The following RAP1GAP variants were observed in gnomAD, a reference collection of about 807,000 sequenced individuals.
RAP1GAP encodes the protein RAP1 GTPase activating protein.
RAP1GAP carries 35 observed loss-of-function variants against 87.2 expected under a neutral mutation model. The ratio of observed to expected loss-of-function variants is 0.40; its 90% CI spans 0.31 to 0.53. The LOEUF is 0.53. Among genes scored for constraint, RAP1GAP ranks in the 20% least tolerant of loss-of-function variants. The pLI is 0.48. For synonymous variants in RAP1GAP, 375 were observed against 363.9 expected, an observed-to-expected ratio of 1.03 and a Z score of -0.35; for missense variants, 734 against 898.9, an observed-to-expected ratio of 0.82 and a Z score of 2.35.
chr1:21,652,129 C>A (rs1307297969), intron 1 of RAP1GAP, among the ~76,000 whole-genome samples: 8 of 149,804 alleles, frequency 5.3e-5, no homozygotes, highest in African/African-American at 1.7e-4. Context: ...CGCCGCCCCC[C>A]GTCCAGGCCG....
At position 21,598,435 on chromosome 1, in the gene RAP1GAP, T is replaced by C; in HGVS notation, c.1844A>G (p.Asp615Gly). 2 of 1,613,906 alleles carry C rather than the reference T, an allele frequency of 1.2e-6. No homozygotes were observed. Among genetic ancestry groups the C allele is most frequent in the South Asian group, 1.1e-5 (1 of 91,080 alleles). Residue 615 changes from aspartate to glycine, a missense_variant, in exon 22 of 25, where the codon GAC (aspartate) becomes GGC (glycine). By Grantham distance (94) the Asp-to-Gly change is moderately conservative (BLOSUM62 -1). Around this residue, in one of 2 missense-constraint regions of RAP1GAP, gnomAD observed 249 missense variants for 252.7 expected, o/e 0.99. Coordinates refer to ENST00000374765, the MANE Select transcript of RAP1GAP (RefSeq NM_002885.4). ...DSFIYSTWLE[D>G]SVSTTSGGSS... ...GCCCCCACTAGTGGTGCTGACACTG[T>C]CCTCCAGCCACGTGCTATAGATGAA...
chr1:21,609,927 G>A lies in RAP1GAP; in HGVS notation c.999+193C>T, dbSNP rs568892784. ...TGATACCAGGCCAGGAGGCAGAGGAGGGAAACTGTCCTCTCTGAGGGGGTG... is the reference window on the plus strand; with the variant it reads ...TGATACCAGGCCAGGAGGCAGAGGAAGGAAACTGTCCTCTCTGAGGGGGTG... On this transcript the variant is annotated intron_variant, in intron 14 of 24. Transcript: ENST00000374765. This position sits in a 1 kb window ranked among gnomAD's most constrained non-coding sequence, Gnocchi z 4.4. Among the ~76,000 whole-genome samples, 266 of 152,318 alleles carry A rather than the reference G, an allele frequency of 1.7e-3. No individual in the cohort carries two copies. Among genetic ancestry groups the A allele is most frequent in the African/African-American group, 6.0e-3 (249 of 41,558 alleles).
chr1:21,638,470 AAAG>A (rs1016079480), intron 2 of RAP1GAP, among the ~76,000 whole-genome samples: 2 of 151,684 alleles, frequency 1.3e-5, no homozygotes, highest in South Asian at 2.1e-4. Context: ...AAAAAAAAAA[AAAG>A]AGAGAGAGAA....
At chr1:21,628,548 C>T (rs1006565401) in intron 2 of RAP1GAP, among the ~76,000 whole-genome samples, 9 of 151,916 alleles carry the variant, frequency 5.9e-5, no homozygotes, top group South Asian at 2.1e-4. Flanking sequence ...GGTGAAACCC[C>T]GTCTCTACTA....
In RAP1GAP at chr1:21,611,475, A is replaced by T. The variant is rs1306181065; in HGVS notation, c.820T>A (p.Tyr274Asn). Residue 274 changes from tyrosine to asparagine, a missense_variant, in exon 13 of 25, where the codon TAC becomes AAC. Physicochemically the swap from Tyr to Asn is moderately radical, Grantham distance 143. Coordinates refer to ENST00000374765, the MANE Select transcript of RAP1GAP (RefSeq NM_002885.4). ...IMFHVSTKLPYTEGDAQQLQR... is the reference protein window; with the variant it reads ...IMFHVSTKLPNTEGDAQQLQR... ...ACCTGCTGGGCGTCCCCTTCCGTGT[A>T]TGGCAGCTTGGTGGACACGTGAAAC... 6.2e-7 allele frequency: 1 copy of T among 1,614,110 alleles called. No homozygotes were observed. The highest frequency in any genetic ancestry group is 1.1e-5 in the South Asian group (1 of 91,078).
Position 21,618,064 on chromosome 1 carries a change from G to A in RAP1GAP, c.67-92C>T, listed in dbSNP as rs1309782895. The stretch of plus-strand genomic sequence containing the variant: ...TCTGCTTGGCCAGCCTCAGGGCTGA[G>A]AGTGCGGATGGGGCCCTGGCCTCAT... On this transcript the variant is annotated intron_variant, in intron 5 of 24. Coordinates refer to ENST00000374765, the MANE Select transcript of RAP1GAP (RefSeq NM_002885.4). The A allele has an allele frequency of 4.0e-6, 6 of 1,491,142 alleles. No homozygotes were observed. In the African/African-American group the frequency reaches 5.5e-5, roughly 14 times the overall value. 92.4% of individuals were successfully genotyped at this position (1,491,142 alleles called of 1,614,324 possible). A position where few individuals can be genotyped will look rare whatever the true frequency, so the allele number is the denominator to read the frequency against.
At chr1:21,630,264 C>CG (rs2150562094) in intron 2 of RAP1GAP, among the ~76,000 whole-genome samples, 1 of 137,304 alleles carries the variant, frequency 7.3e-6, no homozygotes, top group Non-Finnish European at 1.6e-5. Context: ...TTTTCTTTTT[C>CG]CCTTTTTTTT....
chr1:21,601,364 C>T (rs540341205), intron 20 of RAP1GAP, among the ~76,000 whole-genome samples: 1 of 149,368 alleles, frequency 6.7e-6, no homozygotes, highest in Non-Finnish European at 1.5e-5. Context: ...CCTCTTCATC[C>T]CCCCAACCCT....
At chr1:21,625,835 G>A (rs188526981) in intron 3 of RAP1GAP, among the ~76,000 whole-genome samples, 6 of 152,276 alleles carry the variant, frequency 3.9e-5, no homozygotes, top group Non-Finnish European at 5.9e-5. Context: ...CAGGTACTGG[G>A]CAAACGTTTG....
At position 21,596,280 on chromosome 1, in the gene RAP1GAP, A is replaced by G. The variant is rs971498039; in HGVS notation, c.*1019T>C. 6.6e-6 allele frequency: 1 copy of G among 152,288 alleles called. No homozygotes were observed. The highest frequency in any genetic ancestry group is 6.5e-5 in the Admixed American group (1 of 15,292). The allele number at this position is 152,288 out of a possible 1,614,324, so 9.4% of individuals were successfully genotyped here. ...CTGTTACCGACATCCACACGGCCACAGGGGCTTCCAAAATGGGTATTGGGG... is the reference window on the plus strand; with the variant it reads ...CTGTTACCGACATCCACACGGCCACGGGGGCTTCCAAAATGGGTATTGGGG... On this transcript the variant is annotated 3_prime_UTR_variant, in exon 25 of 25. Coordinates refer to ENST00000374765, the MANE Select transcript of RAP1GAP (RefSeq NM_002885.4).
At chr1:21,661,206 C>G (rs921590556) in intron 1 of RAP1GAP, among the ~76,000 whole-genome samples, 1 of 150,598 alleles carries the variant, frequency 6.6e-6, no homozygotes, top group Non-Finnish European at 1.5e-5. Context: ...GAGCTGAGAT[C>G]GCACCACTGC....
At position 21,654,658 on chromosome 1, in the gene RAP1GAP, C is replaced by T. The variant is rs538997853; in HGVS notation, c.-148-4862G>A. On this transcript the variant is annotated intron_variant, in intron 1 of 24. Transcript: ENST00000374765. ...GAACAGCTTAGGCAACATAGTGAGA[C>T]CTGTCTCTACAAAAACTCTAAAAAT... 1.3e-4 allele frequency among the ~76,000 whole-genome samples: 20 copies of T among 151,366 alleles called. 1 individual carries two copies. The South Asian group carries it at 4.2e-3, about 32-fold the overall frequency.
intron 18 of RAP1GAP, among the ~76,000 whole-genome samples, chr1:21,605,495 C>A (rs1255082724): frequency 6.6e-6 from 1 of 151,840 alleles, no homozygotes; most frequent in East Asian, 1.9e-4. Flanking sequence ...CCCAGGGCTG[C>A]GCACACAGTA....
intron 7 of RAP1GAP, among the ~76,000 whole-genome samples, chr1:21,616,190 C>CGT: frequency 7.3e-6 from 1 of 136,580 alleles, no homozygotes; most frequent in East Asian, 2.1e-4. Context: ...CACACACACA[C>CGT]ATACAATGAC....
rs907855735 is a variant in RAP1GAP, at chr1:21,619,317, C to G, written c.19-245G>C. Among the ~76,000 whole-genome samples, 2 of 150,826 alleles carry G rather than the reference C, an allele frequency of 1.3e-5. 1 individual carries two copies. The highest frequency in any genetic ancestry group is 1.3e-4 in the Admixed American group (2 of 15,174). ...GGGGACTCTGCGGGAACGCACGTGC[C>G]GCTGGGAGTGGGGGCAGGGGAGGTG... On this transcript the variant is annotated intron_variant, in intron 4 of 24. Transcript: ENST00000374765.
chr1:21,651,412 GCACACACGCATGCACA>G, intron 1 of RAP1GAP: 1 of 550,546 alleles, frequency 1.8e-6, no homozygotes, highest in African/African-American at 1.9e-5. Context: ...GAGCAGTTGC[GCACACACGCATGCACA>G]CACACGCGCG....
chr1:21,613,244 A>AAGGC lies in RAP1GAP; in HGVS notation c.475-16_475-15insGCCT. ...TCACACACCAACTGCAGGAGGAGATAAGGGAGGGGTGTGAGGTGTGGGGCC... is the reference window on the plus strand; with the variant it reads ...TCACACACCAACTGCAGGAGGAGATAAGGCAGGGAGGGGTGTGAGGTGTGGGGCC... On this transcript the variant is annotated splice_polypyrimidine_tract_variant and intron_variant, in intron 9 of 24. Transcript: ENST00000374765. This position sits in a 1 kb window ranked among gnomAD's most constrained non-coding sequence, Gnocchi z 4.7. 1 of 1,545,734 alleles carries AAGGC rather than the reference A, an allele frequency of 6.5e-7. No individual in the cohort carries two copies.
chr1:21,643,519 T>G (rs1212295836), intron 2 of RAP1GAP, among the ~76,000 whole-genome samples: 1 of 137,822 alleles, frequency 7.3e-6, no homozygotes, highest in African/African-American at 2.8e-5. Flanking sequence ...ATCGTGCCAC[T>G]GCACTCCAGC....
At position 21,661,637 on chromosome 1, in the gene RAP1GAP, A is replaced by G. The variant is rs530606912; in HGVS notation, c.-149+7617T>C. Reference sequence around the variant, plus strand: ...AAAAGAGGATGGCAATGATAATAAAAGTACTTACCGCATAGGATTGTTCTT... The same window carrying G: ...AAAAGAGGATGGCAATGATAATAAAGGTACTTACCGCATAGGATTGTTCTT... On this transcript the variant is annotated intron_variant, in intron 1 of 24. Transcript: ENST00000374765. Among the ~76,000 whole-genome samples, 55 of 152,372 alleles carry G rather than the reference A, an allele frequency of 3.6e-4. 1 individual carries two copies. The highest frequency in any genetic ancestry group is 1.3e-3 in the African/African-American group (54 of 41,592).
Sources: gnomAD v4.1 joint callset for allele counts (sites outside exome capture counted in the v4.1 genomes callset) on GRCh38, gnomAD v4.1.1 for gene constraint, gnomAD v4.1.1 regional missense constraint, Gnocchi (gnomAD v3.1) non-coding constraint, MANE v1.5 for transcripts, NCBI Gene and HGNC (gene_info 2026-07-23, HGNC 2026-07-21) for gene names.